Variants in MAPK9 observed in about 807,000 individuals in gnomAD.
The protein encoded by MAPK9 is Jun kinase.
A neutral mutation model predicts 57.1 loss-of-function variants in MAPK9; 30 were observed. The ratio of observed to expected loss-of-function variants is 0.53; its 90% CI spans 0.39 to 0.71. MAPK9 has a LOEUF of 0.71. Among genes scored for constraint, MAPK9 ranks in the 30% least tolerant of loss-of-function variants. The pLI is 0.00. For synonymous variants in MAPK9, 155 were observed against 177.0 expected, an observed-to-expected ratio of 0.88 and a Z score of 0.99; for missense variants, 362 against 521.0, an observed-to-expected ratio of 0.69 and a Z score of 2.97.
intron 5 of MAPK9, among the ~76,000 whole-genome samples, chr5:180,257,299 A>T (rs1759390900): frequency 6.6e-6 from 1 of 152,204 alleles, no homozygotes; most frequent in African/African-American, 2.4e-5. Context: ...CTGGCAAAAG[A>T]GATCTGAAAA....
chr5:180,240,048 A>T (rs1757520633), intron 9 of MAPK9, 61 bp from the exon 10 acceptor site: 1 of 1,323,592 alleles, frequency 7.6e-7, no homozygotes, highest in African/African-American at 1.4e-5. Context: ...GAGGCACTAA[A>T]AAAGGTAAAA....
chr5:180,260,374 G>T (rs568865988), intron 5 of MAPK9, among the ~76,000 whole-genome samples: 1 of 152,170 alleles, frequency 6.6e-6, no homozygotes, highest in South Asian at 2.1e-4. Flanking sequence ...AAAGTCATCT[G>T]AGAACTCCCA....
rs1757059480 is a variant in MAPK9, at chr5:180,234,654, T to C, written c.*1730A>G. The C allele has an allele frequency of 6.6e-6, 1 of 152,238 alleles. No individual in the cohort carries two copies. 9.4% of individuals were successfully genotyped at this position (152,238 alleles called of 1,614,324 possible). On this transcript the variant is annotated 3_prime_UTR_variant, in exon 12 of 12. Transcript: ENST00000452135. ...AAGTGTATTACAGAGAAGGCCATTT[T>C]AAGATGTTTAGATAGATAGCCATAA...
In MAPK9 at chr5:180,267,805, C is replaced by CTG. The variant is rs202161197; in HGVS notation, c.252+1473_252+1474dup. ...ACAACCTGGGTGACAGAATGAGACC[C>CTG]TGTCTCAAAAAAACAAAACAAAAAA... On this transcript the variant is annotated intron_variant, in intron 3 of 11. Coordinates refer to ENST00000452135, the MANE Select transcript of MAPK9 (RefSeq NM_002752.5). Among the ~76,000 whole-genome samples the CTG allele has an allele frequency of 4.8e-3, 632 of 132,652 alleles. 16 individuals carry two copies. The East Asian group carries it at 0.055, about 12-fold the overall frequency. 87.0% of individuals were successfully genotyped at this position (132,652 alleles called of 152,430 possible). A position where few individuals can be genotyped will look rare whatever the true frequency, so the allele number is the denominator to read the frequency against.
At chr5:180,267,915 T>G (rs1420244603) in intron 3 of MAPK9, among the ~76,000 whole-genome samples, 7 of 152,136 alleles carry the variant, frequency 4.6e-5, no homozygotes, top group Non-Finnish European at 8.8e-5. Context: ...CAGGCTGGAG[T>G]GCAGTGGTGC....
chr5:180,285,430 A>C (rs1006071497), intron 1 of MAPK9, among the ~76,000 whole-genome samples: 1 of 152,116 alleles, frequency 6.6e-6, no homozygotes, highest in Non-Finnish European at 1.5e-5. Context: ...CCCCTACCAA[A>C]ACCTACCAAA....
chr5:180,243,580 A>T (rs377096577), intron 7 of MAPK9, among the ~76,000 whole-genome samples: 2 of 152,230 alleles, frequency 1.3e-5, no homozygotes, highest in Admixed American at 6.5e-5. Flanking sequence ...ACAGCAGCTT[A>T]AAAAAGTGCT....
At chr5:180,273,215 A>G (rs1044401459) in intron 2 of MAPK9, among the ~76,000 whole-genome samples, 3 of 152,058 alleles carry the variant, frequency 2.0e-5, no homozygotes, top group African/African-American at 4.8e-5. Context: ...TTGTTTGTCT[A>G]TCTTTATAAT....
chr5:180,243,696 G>A (rs1246570615), intron 7 of MAPK9, among the ~76,000 whole-genome samples: 4 of 152,238 alleles, frequency 2.6e-5, no homozygotes, highest in Non-Finnish European at 4.4e-5. Flanking sequence ...CAAAAGACCC[G>A]CTCAGGAAAT....
chr5:180,264,868 A>G (rs1368378547), intron 3 of MAPK9, 29 bp from the exon 4 acceptor site: 3 of 1,479,804 alleles, frequency 2.0e-6, no homozygotes, highest in Non-Finnish European at 2.7e-6. Context: ...TTATACTTCA[A>G]TATGTCAGAT....
chr5:180,266,530 C>T (rs34546427), intron 3 of MAPK9, among the ~76,000 whole-genome samples: 7,365 of 152,042 alleles, frequency 0.048, 208 homozygotes, highest in African/African-American at 0.07. Flanking sequence ...GGCCAACCAA[C>T]GTGGTCTTAA....
chr5:180,239,744 CCTCT>C (rs1757494421), intron 10 of MAPK9, among the ~76,000 whole-genome samples, 176 bp downstream of exon 10: 1 of 152,148 alleles, frequency 6.6e-6, no homozygotes. Context: ...CATAAATGTT[CCTCT>C]CTAACTCTGT....
intron 5 of MAPK9, among the ~76,000 whole-genome samples, chr5:180,260,718 G>A (rs901738929): frequency 2.0e-5 from 3 of 152,120 alleles, no homozygotes; most frequent in African/African-American, 4.8e-5. Context: ...TAATAAGTAG[G>A]TAACACTGAT....
At chr5:180,287,803 G>A (rs146348955) in intron 1 of MAPK9, among the ~76,000 whole-genome samples, 28 of 152,160 alleles carry the variant, frequency 1.8e-4, no homozygotes, top group African/African-American at 3.6e-4. Flanking sequence ...CCCAGTATTC[G>A]CTTTAGATTG....
At chr5:180,262,481 G>A (rs1760082137) in intron 4 of MAPK9, among the ~76,000 whole-genome samples, 1 of 151,688 alleles carries the variant, frequency 6.6e-6, no homozygotes, top group Non-Finnish European at 1.5e-5. Context: ...AGACTGGAGT[G>A]CAGTGGCGTG....
Position 180,249,212 on chromosome 5 carries a change from C to T in MAPK9, c.451-74G>A, listed in dbSNP as rs548537047. The T allele has an allele frequency of 2.7e-4, 384 of 1,397,072 alleles. 4 individuals are homozygous for T. Among genetic ancestry groups the T allele is most frequent in the South Asian group, 1.8e-3 (131 of 72,432 alleles). The allele number at this position is 1,397,072 out of a possible 1,614,324, so 86.5% of individuals were successfully genotyped here. A position where few individuals can be genotyped will look rare whatever the true frequency, so the allele number is the denominator to read the frequency against. On this transcript the variant is annotated intron_variant, in intron 5 of 11. Transcript: ENST00000452135. Reference sequence around the variant, plus strand: ...TAAACTACTTCACATCCGTGAGGGTCGTGAAGCCAGTGTGAGAGTGTAGGG... The same window carrying T: ...TAAACTACTTCACATCCGTGAGGGTTGTGAAGCCAGTGTGAGAGTGTAGGG...
intron 5 of MAPK9, among the ~76,000 whole-genome samples, chr5:180,256,486 C>T (rs751890860): frequency 6.6e-6 from 1 of 152,244 alleles, no homozygotes; most frequent in South Asian, 2.1e-4. Flanking sequence ...AGTGAGCATG[C>T]ATCACTCTCC....
At chr5:180,281,724 T>C (rs1403489805) in intron 1 of MAPK9, among the ~76,000 whole-genome samples, 1 of 152,174 alleles carries the variant, frequency 6.6e-6, no homozygotes, top group African/African-American at 2.4e-5. Flanking sequence ...AATGGATTAA[T>C]AACAAGTCTA....
At chr5:180,270,604 A>G (rs1410555616) in intron 2 of MAPK9, among the ~76,000 whole-genome samples, 2 of 152,182 alleles carry the variant, frequency 1.3e-5, no homozygotes, top group African/African-American at 2.4e-5. Context: ...TATTCCCAGC[A>G]CTTTGGGAGG....
Sources: allele counts gnomAD v4.1 joint callset (sites outside exome capture counted in the v4.1 genomes callset), GRCh38; gene constraint gnomAD v4.1.1; transcripts MANE v1.5; gene names NCBI Gene and HGNC (gene_info 2026-07-23, HGNC 2026-07-21).